The following ERBB4 variants were observed in gnomAD, a reference collection of about 807,000 sequenced individuals.
ERBB4 encodes erb-b2 receptor tyrosine kinase 4.
ERBB4 carries 42 observed loss-of-function variants against 158.0 expected under a neutral mutation model. That is an observed-to-expected ratio of 0.27 (90% CI 0.21 to 0.34). The LOEUF (loss-of-function observed/expected upper bound fraction) is 0.34, where lower values mean the gene tolerates loss of function less well. Among genes scored for constraint, ERBB4 ranks in the 10% least tolerant of loss-of-function variants. ERBB4 has a pLI of 1.00. For synonymous variants in ERBB4, 583 were observed against 558.7 expected, an observed-to-expected ratio of 1.04 and a Z score of -0.61; for missense variants, 1,333 against 1,624.1, an observed-to-expected ratio of 0.82 and a Z score of 3.08.
At chr2:212,288,264 CA>C (rs955238938) in intron 1 of ERBB4, among the ~76,000 whole-genome samples, 1 of 152,046 alleles carries the variant, frequency 6.6e-6, no homozygotes, top group African/African-American at 2.4e-5. Flanking sequence ...TCAGTGTCCA[CA>C]ATGCTAATAC....
In ERBB4 at chr2:211,838,498, T is replaced by C. The variant is rs375594119; in HGVS notation, c.422-50339A>G. ...GACAGCATATTCTTGAAAGCAGCTG[T>C]TATAAAACTCAAGATATTAAAAGTG... On this transcript the variant is annotated intron_variant, in intron 3 of 27. Coordinates refer to ENST00000342788, the MANE Select transcript of ERBB4 (RefSeq NM_005235.3). 2.0e-5 allele frequency among the ~76,000 whole-genome samples: 3 copies of C among 152,262 alleles called. No homozygotes were observed. In the East Asian group the frequency reaches 5.8e-4, roughly 29 times the overall value.
chr2:211,708,920 T>A (rs771769723), intron 9 of ERBB4, among the ~76,000 whole-genome samples: 6 of 152,072 alleles, frequency 3.9e-5, no homozygotes, highest in Non-Finnish European at 8.8e-5. Context: ...CTGGATCAAA[T>A]TATCCAAGAA....
intron 1 of ERBB4, among the ~76,000 whole-genome samples, chr2:212,458,950 G>T (rs1688438980): frequency 6.6e-6 from 1 of 152,120 alleles, no homozygotes; most frequent in Non-Finnish European, 1.5e-5. Flanking sequence ...AAATAGCTGA[G>T]AATGAATGAA....
At chr2:211,957,241 T>C (rs1165530568) in intron 2 of ERBB4, among the ~76,000 whole-genome samples, 1 of 151,970 alleles carries the variant, frequency 6.6e-6, no homozygotes, top group East Asian at 1.9e-4. Flanking sequence ...GGTTATTAAG[T>C]CGGGCCCTAA....
Position 211,514,928 on chromosome 2 carries a change from C to T in ERBB4, c.2487+46975G>A, listed in dbSNP as rs73985470. ...GATTTTCCAGATTAGAGATGCTCAA[C>T]CTGTACTAAAATTAGTGCAATAAAA... On this transcript the variant is annotated intron_variant, in intron 20 of 27. Transcript: ENST00000342788. 3.3e-3 allele frequency among the ~76,000 whole-genome samples: 497 copies of T among 152,158 alleles called. 2 individuals are homozygous for T. Among genetic ancestry groups the T allele is most frequent in the African/African-American group, 0.011 (450 of 41,544 alleles).
At chr2:211,798,805 G>C (rs1393711908) in intron 3 of ERBB4, among the ~76,000 whole-genome samples, 1 of 152,066 alleles carries the variant, frequency 6.6e-6, no homozygotes, top group Admixed American at 6.6e-5. Context: ...ACTAAAGTTA[G>C]TTAATTAAAA....
chr2:212,171,064 G>T (rs996283473), intron 1 of ERBB4, among the ~76,000 whole-genome samples: 1 of 152,222 alleles, frequency 6.6e-6, no homozygotes, highest in East Asian at 1.9e-4. Flanking sequence ...GCAGCCAGGA[G>T]GGGGAATATG....
intron 1 of ERBB4, among the ~76,000 whole-genome samples, chr2:212,220,112 CA>C (rs2083246452): frequency 6.8e-6 from 1 of 147,908 alleles, no homozygotes; most frequent in African/African-American, 2.5e-5. Flanking sequence ...TGTAGCATTT[CA>C]AAGATCAAGA....
intron 2 of ERBB4, among the ~76,000 whole-genome samples, chr2:212,082,716 T>C (rs549680323): frequency 5.3e-5 from 8 of 152,176 alleles, no homozygotes; most frequent in African/African-American, 1.9e-4. Flanking sequence ...CCTAAAGGGT[T>C]AGGAAAAAGC....
intron 16 of ERBB4, among the ~76,000 whole-genome samples, chr2:211,639,783 G>A (rs766998146): frequency 3.3e-5 from 5 of 151,892 alleles, no homozygotes; most frequent in African/African-American, 7.3e-5. Context: ...GTACAGTGGC[G>A]CCATCTTGGC....
chr2:211,834,084 T>C (rs960260156), intron 3 of ERBB4, among the ~76,000 whole-genome samples: 1 of 152,160 alleles, frequency 6.6e-6, no homozygotes, highest in East Asian at 1.9e-4. Context: ...TTTGCTACCA[T>C]GTCAGTTTGC....
intron 1 of ERBB4, among the ~76,000 whole-genome samples, chr2:212,177,183 T>G (rs113468131): frequency 6.6e-6 from 1 of 151,916 alleles, no homozygotes; most frequent in Non-Finnish European, 1.5e-5. Flanking sequence ...AGAATTTTTT[T>G]GTAAGGTAAA....
intron 1 of ERBB4, among the ~76,000 whole-genome samples, chr2:212,264,387 C>T (rs1175681829): frequency 6.6e-6 from 1 of 152,014 alleles, no homozygotes; most frequent in Non-Finnish European, 1.5e-5. Flanking sequence ...TCATTTCTAC[C>T]CTGCCATTAT....
intron 1 of ERBB4, among the ~76,000 whole-genome samples, chr2:212,493,577 TC>T (rs530281348): frequency 2.6e-5 from 4 of 151,818 alleles, no homozygotes; most frequent in African/African-American, 7.2e-5. Context: ...GACACATAGT[TC>T]AAATTTCATA....
intron 1 of ERBB4, among the ~76,000 whole-genome samples, chr2:212,132,027 C>A (rs1238792943): frequency 2.0e-5 from 3 of 152,042 alleles, no homozygotes; most frequent in Non-Finnish European, 4.4e-5. Flanking sequence ...GTGTCTGTTT[C>A]TTTTCCTCTC....
intron 25 of ERBB4, among the ~76,000 whole-genome samples, chr2:211,395,123 T>A (rs1193741310): frequency 6.6e-6 from 1 of 152,110 alleles, no homozygotes; most frequent in African/African-American, 2.4e-5. Context: ...TTTTCTCTCA[T>A]AAATCTTTTC....
intron 16 of ERBB4, among the ~76,000 whole-genome samples, chr2:211,645,758 G>A (rs911954111): frequency 1.3e-5 from 2 of 151,666 alleles, no homozygotes; most frequent in African/African-American, 2.4e-5. Context: ...ATTTTATAAT[G>A]ACACTATAAT....
At chr2:211,523,249 C>A (rs11690814) in intron 20 of ERBB4, among the ~76,000 whole-genome samples, 40,436 of 139,830 alleles carry the variant, frequency 0.29, 6,890 homozygotes, top group East Asian at 0.62. Context: ...AAAAGAGGCA[C>A]TGAAGAGGAA....
At chr2:212,421,071 T>A (rs1425771585) in intron 1 of ERBB4, among the ~76,000 whole-genome samples, 1 of 152,134 alleles carries the variant, frequency 6.6e-6, no homozygotes, top group Admixed American at 6.6e-5. Context: ...TTATTTCCTA[T>A]AGTCAGAAAT....
Sources: allele counts gnomAD v4.1 joint callset (sites outside exome capture counted in the v4.1 genomes callset), GRCh38; gene constraint gnomAD v4.1.1; transcripts MANE v1.5; gene names NCBI Gene and HGNC (gene_info 2026-07-23, HGNC 2026-07-21).